ZCWPW2: variants seen among roughly 807,000 people sequenced by gnomAD.
The protein encoded by ZCWPW2 is zinc finger CW-type and PWWP domain containing 2.
A neutral mutation model predicts 46.6 loss-of-function variants in ZCWPW2; 45 were observed. The observed-to-expected ratio is 0.96, with a 90% CI of 0.76 to 1.24. ZCWPW2 has a LOEUF of 1.24. Among genes scored for constraint, ZCWPW2 ranks in the 50% most tolerant of loss-of-function variants. The pLI is 0.00. For synonymous variants in ZCWPW2, 152 were observed against 137.1 expected (o/e 1.11, Z -0.76); for missense variants, 429 against 403.9 (o/e 1.06, Z -0.53).
At chr3:28,457,830 T>C (rs1437610360) in intron 4 of ZCWPW2, among the ~76,000 whole-genome samples, 1 of 152,234 alleles carries the variant, frequency 6.6e-6, no homozygotes, top group Non-Finnish European at 1.5e-5. Flanking sequence ...TAAAATACTT[T>C]AAACTGTACA....
rs190482256 is a variant in ZCWPW2, at chr3:28,435,019, C to A, written c.333-91C>A. 360 of 1,406,374 alleles carry A rather than the reference C, an allele frequency of 2.6e-4. 1 individual carries two copies. The African/African-American group carries it at 4.7e-3, about 18-fold the overall frequency. 87.1% of individuals were successfully genotyped at this position (1,406,374 alleles called of 1,614,324 possible). A position where few individuals can be genotyped will look rare whatever the true frequency, so the allele number is the denominator to read the frequency against. On this transcript the variant is annotated intron_variant, in intron 3 of 9. Coordinates refer to ENST00000383768, the MANE Select transcript of ZCWPW2 (RefSeq NM_001040432.4). ...TGTTTTGTGAAAAGGCATTAAAATT[C>A]AAAGGAGGAAGTTAATATGCGATTG...
chr3:28,483,503 T>A (rs1249195328), intron 5 of ZCWPW2, among the ~76,000 whole-genome samples: 1 of 152,208 alleles, frequency 6.6e-6, no homozygotes, highest in East Asian at 1.9e-4. Flanking sequence ...TTAGAATCAG[T>A]TTGTTGATTT....
intron 2 of ZCWPW2, among the ~76,000 whole-genome samples, chr3:28,403,409 T>A (rs1206780919): frequency 6.6e-6 from 1 of 151,854 alleles, no homozygotes; most frequent in African/African-American, 2.4e-5. Context: ...CACAAAAAAA[T>A]GAAAAAACAT....
intron 3 of ZCWPW2, among the ~76,000 whole-genome samples, chr3:28,427,297 G>A (rs1440863755): frequency 6.6e-6 from 1 of 152,102 alleles, no homozygotes; most frequent in Non-Finnish European, 1.5e-5. Flanking sequence ...CAGTGTAAGG[G>A]CAAAAAGTGG....
At chr3:28,425,180 T>A (rs142861688) in intron 3 of ZCWPW2, among the ~76,000 whole-genome samples, 188 of 152,316 alleles carry the variant, frequency 1.2e-3, no homozygotes, top group Non-Finnish European at 1.9e-3. Flanking sequence ...AATCTATGAT[T>A]AGGGACATCA....
At chr3:28,412,723 AT>A (rs1696452037) in intron 2 of ZCWPW2, among the ~76,000 whole-genome samples, 1 of 152,068 alleles carries the variant, frequency 6.6e-6, no homozygotes, top group Non-Finnish European at 1.5e-5. Flanking sequence ...CTTAGCTGTT[AT>A]CATGGGAAAA....
At chr3:28,396,330 G>A (rs915570547) in intron 2 of ZCWPW2, among the ~76,000 whole-genome samples, 30 of 152,118 alleles carry the variant, frequency 2.0e-4, no homozygotes, top group Middle Eastern at 3.4e-3. Flanking sequence ...AATCCATATC[G>A]TTAGAATTAT....
intron 1 of ZCWPW2, among the ~76,000 whole-genome samples, chr3:28,373,646 T>C (rs370140119): frequency 6.6e-6 from 1 of 151,988 alleles, no homozygotes; most frequent in Admixed American, 6.6e-5. Context: ...TGGCTAATTT[T>C]TGTATTTTTG....
At position 28,397,166 on chromosome 3, in the gene ZCWPW2, G is replaced by C. The variant is rs1049111721; in HGVS notation, c.-14+6549G>C. Among the ~76,000 whole-genome samples, 10 of 151,496 alleles carry C rather than the reference G, an allele frequency of 6.6e-5. No individual in the cohort carries two copies. In the East Asian group the frequency reaches 1.2e-3, roughly 18 times the overall value. On this transcript the variant is annotated intron_variant, in intron 2 of 9. Transcript: ENST00000383768. Reference sequence around the variant, plus strand: ...AATCTGGTATTATTCAAAACTCCTTGCATGTGTTGTGATTTTACCTTTTTG... The same window carrying C: ...AATCTGGTATTATTCAAAACTCCTTCCATGTGTTGTGATTTTACCTTTTTG...
At chr3:28,395,880 G>A (rs1466120924) in intron 2 of ZCWPW2, among the ~76,000 whole-genome samples, 2 of 152,076 alleles carry the variant, frequency 1.3e-5, no homozygotes, top group African/African-American at 4.8e-5. Context: ...TAAAATATTA[G>A]GTCTTAATTT....
chr3:28,360,961 C>A (rs572988930), intron 1 of ZCWPW2, among the ~76,000 whole-genome samples: 1 of 151,982 alleles, frequency 6.6e-6, no homozygotes, highest in Non-Finnish European at 1.5e-5. Context: ...TTCATATGCA[C>A]CTAACACACA....
chr3:28,454,553 G>A (rs1017860581), intron 4 of ZCWPW2, among the ~76,000 whole-genome samples: 1 of 152,112 alleles, frequency 6.6e-6, no homozygotes, highest in African/African-American at 2.4e-5. Context: ...TGTGTGCCAT[G>A]GTGGTTTGCA....
At chr3:28,398,423 G>T (rs1318509422) in intron 2 of ZCWPW2, among the ~76,000 whole-genome samples, 1 of 152,158 alleles carries the variant, frequency 6.6e-6, no homozygotes, top group Non-Finnish European at 1.5e-5. Flanking sequence ...TATTTTGGAT[G>T]GTGGACGGGA....
At chr3:28,372,676 T>C (rs941178572) in intron 1 of ZCWPW2, among the ~76,000 whole-genome samples, 2 of 152,182 alleles carry the variant, frequency 1.3e-5, no homozygotes, top group African/African-American at 4.8e-5. Flanking sequence ...CATAGATAGA[T>C]ATATTGCCTA....
intron 1 of ZCWPW2, among the ~76,000 whole-genome samples, chr3:28,356,082 A>G (rs1172202258): frequency 6.6e-6 from 1 of 152,242 alleles, no homozygotes; most frequent in Non-Finnish European, 1.5e-5. Context: ...GAATGGGAGA[A>G]AATTTTTGCA....
intron 1 of ZCWPW2, among the ~76,000 whole-genome samples, chr3:28,389,645 A>T (rs1257139156): frequency 1.3e-5 from 2 of 152,194 alleles, no homozygotes; most frequent in Non-Finnish European, 2.9e-5. Flanking sequence ...TTGTTCTTTT[A>T]GAACAATTCC....
chr3:28,470,480 G>A (rs113228140), intron 4 of ZCWPW2, among the ~76,000 whole-genome samples: 1,869 of 141,866 alleles, frequency 0.013, 63 homozygotes, highest in African/African-American at 0.046. Context: ...GTGACAGAGC[G>A]AGACTCCGTC....
At chr3:28,364,748 C>T (rs1705065862) in intron 1 of ZCWPW2, among the ~76,000 whole-genome samples, 1 of 152,088 alleles carries the variant, frequency 6.6e-6, no homozygotes, top group Admixed American at 6.6e-5. Flanking sequence ...CACCCACTGA[C>T]TTCCACAACG....
At chr3:28,485,607 T>G (rs917519174) in intron 5 of ZCWPW2, among the ~76,000 whole-genome samples, 1 of 152,198 alleles carries the variant, frequency 6.6e-6, no homozygotes, top group Non-Finnish European at 1.5e-5. Flanking sequence ...GCAAGTCTTC[T>G]TGGAGTATTG....
Sources: gnomAD v4.1 joint callset for allele counts (sites outside exome capture counted in the v4.1 genomes callset) on GRCh38, gnomAD v4.1.1 for gene constraint, MANE v1.5 for transcripts, NCBI Gene and HGNC (gene_info 2026-07-23, HGNC 2026-07-21) for gene names.